The following ARFGEF1 variants were observed in gnomAD, a reference collection of about 807,000 sequenced individuals.
ARFGEF1 encodes ARF guanine nucleotide exchange factor 1.
ARFGEF1 carries 42 observed loss-of-function variants against 231.0 expected under a neutral mutation model. The ratio of observed to expected loss-of-function variants is 0.18; its 90% CI spans 0.14 to 0.24. The LOEUF (loss-of-function observed/expected upper bound fraction) is 0.24. Among genes scored for constraint, ARFGEF1 ranks in the 10% least tolerant of loss-of-function variants. ARFGEF1 has a pLI of 1.00. For missense variants in ARFGEF1, 1,345 were observed against 2,192.0 expected (o/e 0.61, Z 7.72); for synonymous variants, 710 against 732.3 (o/e 0.97, Z 0.49).
intron 19 of ARFGEF1, among the ~76,000 whole-genome samples, chr8:67,243,528 T>C (rs1182506994): frequency 6.6e-6 from 1 of 152,098 alleles, no homozygotes; most frequent in Non-Finnish European, 1.5e-5. Context: ...TCCCACTGGG[T>C]CTCTCTCATG....
intron 37 of ARFGEF1, among the ~76,000 whole-genome samples, chr8:67,201,254 C>T (rs1419026261): frequency 6.6e-6 from 1 of 152,112 alleles, no homozygotes; most frequent in East Asian, 1.9e-4. Flanking sequence ...AAACAGAAAA[C>T]CTCCTTTGTC....
intron 29 of ARFGEF1, among the ~76,000 whole-genome samples, chr8:67,221,408 C>G (rs1246048180): frequency 7.9e-5 from 12 of 152,052 alleles, no homozygotes; most frequent in Admixed American, 7.9e-4. Context: ...ACTGATGATC[C>G]TGACCCTGTG....
intron 8 of ARFGEF1, among the ~76,000 whole-genome samples, chr8:67,277,081 G>A (rs944913183): frequency 2.6e-5 from 4 of 152,024 alleles, no homozygotes; most frequent in African/African-American, 9.7e-5. Flanking sequence ...AGTTGGAAAT[G>A]TAACTATCAA....
At chr8:67,296,654 C>T (rs1172595121) in intron 4 of ARFGEF1, 44 bp from the exon 5 acceptor site, 61 of 1,169,048 alleles carry the variant, frequency 5.2e-5, no homozygotes, top group Middle Eastern at 2.6e-4. Context: ...TTTTCTTTTT[C>T]TTTTTTTTTT....
chr8:67,176,037 T>TTC (rs1157694182), intron 5 of ARFGEF1, among the ~76,000 whole-genome samples: 1 of 143,646 alleles, frequency 7.0e-6, no homozygotes, highest in Non-Finnish European at 1.5e-5. Context: ...GCTAAAGAAG[T>TTC]ACAACTGTGA....
intron 1 of ARFGEF1, among the ~76,000 whole-genome samples, chr8:67,335,902 A>G (rs1176921694): frequency 6.6e-6 from 1 of 152,074 alleles, no homozygotes; most frequent in Non-Finnish European, 1.5e-5. Flanking sequence ...GCCCACTGCC[A>G]CCACGCCCGG....
intron 29 of ARFGEF1, among the ~76,000 whole-genome samples, chr8:67,222,224 T>TACACACAC (rs1491303187): frequency 1.4e-4 from 13 of 92,478 alleles, no homozygotes; most frequent in African/African-American, 4.5e-4. Flanking sequence ...TATATATATA[T>TACACACAC]GTATATGTAT....
intron 1 of ARFGEF1, among the ~76,000 whole-genome samples, chr8:67,313,962 G>A (rs1478736106): frequency 1.3e-5 from 2 of 152,096 alleles, no homozygotes; most frequent in African/African-American, 4.8e-5. Context: ...GGGGACAGGA[G>A]TGAGATTCCC....
At chr8:67,343,128 C>T in intron 1 of ARFGEF1, 36 bp downstream of exon 1, 2 of 1,202,896 alleles carry the variant, frequency 1.7e-6, no homozygotes, top group Non-Finnish European at 2.3e-6. Flanking sequence ...CGCCCCACAA[C>T]AAGCACCCCA....
At chr8:67,320,398 C>T (rs1363614888) in intron 1 of ARFGEF1, among the ~76,000 whole-genome samples, 6 of 151,988 alleles carry the variant, frequency 3.9e-5, no homozygotes, top group Non-Finnish European at 7.4e-5. Flanking sequence ...GCAAATACAC[C>T]GTTGGTAGAA....
chr8:67,262,880 C>T (rs1445551097), intron 14 of ARFGEF1, among the ~76,000 whole-genome samples: 1 of 152,138 alleles, frequency 6.6e-6, no homozygotes, highest in South Asian at 2.1e-4. Context: ...ATAAACATAA[C>T]TTTAATGCAC....
At position 67,271,956 on chromosome 8, in the gene ARFGEF1, G is replaced by T; in HGVS notation, c.1338-20C>A. 1 of 1,508,308 alleles carries T rather than the reference G, an allele frequency of 6.6e-7. No homozygotes were observed. The allele number at this position is 1,508,308 out of a possible 1,614,324, so 93.4% of individuals were successfully genotyped here. On this transcript the variant is annotated intron_variant, in intron 9 of 38. Coordinates refer to ENST00000262215, the MANE Select transcript of ARFGEF1 (RefSeq NM_006421.5). ...TGAGACCTAAAATGTAAAAAAGAAGGCATAGTATATGAACAAGGTTGGCAT... is the reference window on the plus strand; with the variant it reads ...TGAGACCTAAAATGTAAAAAAGAAGTCATAGTATATGAACAAGGTTGGCAT...
chr8:67,297,848 G>A (rs1806307237), intron 4 of ARFGEF1, among the ~76,000 whole-genome samples: 1 of 149,272 alleles, frequency 6.7e-6, no homozygotes, highest in Non-Finnish European at 1.5e-5. Flanking sequence ...CTGTTGCCAA[G>A]CCTGAAGTGC....
At chr8:67,287,652 A>G (rs1381892215) in intron 7 of ARFGEF1, among the ~76,000 whole-genome samples, 16 of 152,172 alleles carry the variant, frequency 1.1e-4, no homozygotes, top group Non-Finnish European at 1.5e-5. Context: ...GTCTCCATTT[A>G]GACGGTTTCT....
chr8:67,294,898 T>C (rs1806164043), intron 5 of ARFGEF1, among the ~76,000 whole-genome samples: 1 of 152,112 alleles, frequency 6.6e-6, no homozygotes, highest in African/African-American at 2.4e-5. Flanking sequence ...TACAGCTCCT[T>C]ATTGAAGTGG....
At chr8:67,223,212 A>G (rs569058242) in intron 29 of ARFGEF1, among the ~76,000 whole-genome samples, 41 of 152,226 alleles carry the variant, frequency 2.7e-4, no homozygotes, top group African/African-American at 9.6e-4. Flanking sequence ...GTGCTGCACT[A>G]TTTGTTGTTG....
chr8:67,325,176 G>A (rs906772089), intron 1 of ARFGEF1, among the ~76,000 whole-genome samples: 1 of 150,336 alleles, frequency 6.7e-6, no homozygotes, highest in East Asian at 2.0e-4. Flanking sequence ...GCCTCCCAAA[G>A]TACTGGGATT....
At chr8:67,220,114 G>A (rs1308358049) in intron 29 of ARFGEF1, among the ~76,000 whole-genome samples, 1 of 152,220 alleles carries the variant, frequency 6.6e-6, no homozygotes, top group Non-Finnish European at 1.5e-5. Context: ...CAGGCACACA[G>A]CAGTGCTTAT....
chr8:67,314,775 G>A (rs777932589), intron 1 of ARFGEF1, among the ~76,000 whole-genome samples: 1 of 152,198 alleles, frequency 6.6e-6, no homozygotes, highest in Non-Finnish European at 1.5e-5. Context: ...GTCCGGAGCT[G>A]CAATCTAATC....
Sources: allele counts gnomAD v4.1 joint callset (sites outside exome capture counted in the v4.1 genomes callset), GRCh38; gene constraint gnomAD v4.1.1; transcripts MANE v1.5; gene names NCBI Gene and HGNC (gene_info 2026-07-23, HGNC 2026-07-21).